Variants in HS6ST3 observed in about 807,000 individuals in gnomAD.
HS6ST3 encodes heparan-sulfate 6-O-sulfotransferase 3.
In HS6ST3, 12 loss-of-function variants were observed where a neutral mutation model predicts 36.7. That is an observed-to-expected ratio of 0.33 (90% CI 0.21 to 0.53). HS6ST3 has a LOEUF of 0.53. HS6ST3 is among the 20% of genes least tolerant of loss of function. The pLI is 0.95. For synonymous variants in HS6ST3, 240 were observed against 257.5 expected (o/e 0.93, Z 0.65); for missense variants, 584 against 640.9 (o/e 0.91, Z 0.96).
chr13:96,204,981 C>T (rs1412591967), intron 1 of HS6ST3, among the ~76,000 whole-genome samples: 2 of 151,830 alleles, frequency 1.3e-5, no homozygotes, highest in Non-Finnish European at 2.9e-5. Flanking sequence ...AAGATATAAC[C>T]AAAATCAGAG....
At chr13:96,778,916 A>T (rs1051714542) in intron 1 of HS6ST3, among the ~76,000 whole-genome samples, 3 of 152,280 alleles carry the variant, frequency 2.0e-5, no homozygotes, top group South Asian at 4.2e-4. Context: ...CTTGAAACCA[A>T]CCCAAATGCC....
At chr13:96,262,435 T>C (rs996961532) in intron 1 of HS6ST3, among the ~76,000 whole-genome samples, 2 of 152,200 alleles carry the variant, frequency 1.3e-5, no homozygotes, top group Non-Finnish European at 2.9e-5. Flanking sequence ...GAGGATAGCA[T>C]GTGTCTTTTT....
rs575170222 is a variant in HS6ST3, at chr13:96,823,780, A to G, written c.708-8710A>G. Among the ~76,000 whole-genome samples, 17 of 152,030 alleles carry G rather than the reference A, an allele frequency of 1.1e-4. No homozygotes were observed. In the South Asian group the frequency reaches 3.5e-3, roughly 32 times the overall value. ...GATTACAGTCGCATGCCACCATGCC[A>G]GGCTACTTTTTGTATTTTTAGTAGA... is the stretch of plus-strand genomic sequence containing the variant. On this transcript the variant is annotated intron_variant, in intron 1 of 1. Transcript: ENST00000376705.
At position 96,091,193 on chromosome 13, in the gene HS6ST3, G is replaced by A. The variant is rs1244714799; in HGVS notation, c.331G>A (p.Asp111Asn). 2 of 1,555,378 alleles carry A rather than the reference G, an allele frequency of 1.3e-6. No individual in the cohort carries two copies. Among genetic ancestry groups the A allele is most frequent in the Admixed American group, 1.9e-5 (1 of 51,502 alleles). The change falls in exon 1 of 2, where the codon GAC (aspartate) becomes AAC (asparagine). Residue 111 changes from aspartate to asparagine, a missense_variant. Transcript: ENST00000376705. ...GGAAGAGGAGGAGGAAGACGAGCCG[G>A]ACCCCGAGGCCCCGGAAAACGGCTC... is the stretch of plus-strand genomic sequence containing the variant. ...GEEEEEEDEP[D>N]PEAPENGSLP...
chr13:96,510,687 C>T (rs895804077), intron 1 of HS6ST3, among the ~76,000 whole-genome samples: 2 of 152,018 alleles, frequency 1.3e-5, no homozygotes, highest in African/African-American at 4.8e-5. Flanking sequence ...GTTCATGTGA[C>T]GCAATCCCTC....
At chr13:96,362,369 T>C (rs1301062439) in intron 1 of HS6ST3, among the ~76,000 whole-genome samples, 2 of 152,232 alleles carry the variant, frequency 1.3e-5, no homozygotes, top group Non-Finnish European at 2.9e-5. Context: ...GTTGTATTCA[T>C]TGGGTTATTT....
intron 1 of HS6ST3, among the ~76,000 whole-genome samples, chr13:96,522,839 T>C (rs2056099159): frequency 1.3e-5 from 2 of 152,244 alleles, no homozygotes; most frequent in South Asian, 4.1e-4. Context: ...TGTCTTTTAA[T>C]TGGGACATTT....
chr13:96,379,494 C>T (rs1318624067), intron 1 of HS6ST3, among the ~76,000 whole-genome samples: 1 of 152,212 alleles, frequency 6.6e-6, no homozygotes, highest in East Asian at 1.9e-4. Flanking sequence ...TTTTCAATTT[C>T]CAGAGCTGTG....
intron 1 of HS6ST3, among the ~76,000 whole-genome samples, chr13:96,809,476 C>T (rs762074011): frequency 2.9e-4 from 44 of 152,264 alleles, no homozygotes; most frequent in South Asian, 4.1e-4. Context: ...AATGGCCAGG[C>T]GACATATTAA....
At chr13:96,707,328 G>A (rs575107547) in intron 1 of HS6ST3, among the ~76,000 whole-genome samples, 265 of 152,252 alleles carry the variant, frequency 1.7e-3, no homozygotes, top group Non-Finnish European at 2.4e-3. Context: ...CCAAGAACCC[G>A]ACCATGCTGG....
intron 1 of HS6ST3, among the ~76,000 whole-genome samples, chr13:96,191,012 G>T (rs1001025875): frequency 9.2e-5 from 14 of 152,138 alleles, no homozygotes; most frequent in African/African-American, 3.1e-4. Context: ...ATGAGAAGCT[G>T]TTCGTGTGGC....
chr13:96,442,381 G>GA (rs931496056), intron 1 of HS6ST3, among the ~76,000 whole-genome samples: 3 of 150,558 alleles, frequency 2.0e-5, no homozygotes, highest in Admixed American at 6.6e-5. Flanking sequence ...TTAACTAAGA[G>GA]AAAAAAAAAG....
chr13:96,596,479 G>T (rs2056401827), intron 1 of HS6ST3, among the ~76,000 whole-genome samples: 3 of 152,106 alleles, frequency 2.0e-5, no homozygotes, highest in African/African-American at 7.2e-5. Context: ...TAGATACCCA[G>T]TAGTGGGATT....
chr13:96,114,272 C>T (rs1023708226), intron 1 of HS6ST3, among the ~76,000 whole-genome samples: 7 of 152,214 alleles, frequency 4.6e-5, no homozygotes, highest in Middle Eastern at 3.4e-3. Flanking sequence ...CTGCCTCAGT[C>T]ACCTGAGTAG....
intron 1 of HS6ST3, among the ~76,000 whole-genome samples, chr13:96,390,869 T>G (rs2055391953): frequency 6.6e-6 from 1 of 152,224 alleles, no homozygotes; most frequent in Non-Finnish European, 1.5e-5. Context: ...CAGGTTTCTT[T>G]ACATCACCAA....
At chr13:96,358,386 A>G (rs1358992362) in intron 1 of HS6ST3, among the ~76,000 whole-genome samples, 3 of 152,192 alleles carry the variant, frequency 2.0e-5, no homozygotes. Context: ...CTTGTAGTCT[A>G]TGACTCCAGA....
Position 96,573,877 on chromosome 13 carries a change from T to C in HS6ST3, c.708-258613T>C, listed in dbSNP as rs182077217. 61 of 478,016 alleles carry C rather than the reference T, an allele frequency of 1.3e-4. No individual in the cohort carries two copies. In the East Asian group the frequency reaches 3.0e-3, roughly 24 times the overall value. The allele number at this position is 478,016 out of a possible 1,614,324, so 29.6% of individuals were successfully genotyped here. A position where few individuals can be genotyped will look rare whatever the true frequency, so the allele number is the denominator to read the frequency against. On this transcript the variant is annotated intron_variant, in intron 1 of 1. Coordinates refer to ENST00000376705, the MANE Select transcript of HS6ST3 (RefSeq NM_153456.4). ...CGAATGAATCCAGCATCAGGAGCAC[T>C]GAGCCCTCTCCCCCAGTCTAATGGA...
intron 1 of HS6ST3, among the ~76,000 whole-genome samples, chr13:96,268,529 G>A (rs765422353): frequency 6.6e-6 from 1 of 151,938 alleles, no homozygotes; most frequent in Non-Finnish European, 1.5e-5. Flanking sequence ...TACAGTTCAA[G>A]ATGAGATTTG....
chr13:96,091,404 A>C lies in HS6ST3; in HGVS notation c.542A>C (p.Gln181Pro), dbSNP rs2053763540. ...LEQPCSCKAG[Q>P]KKCTCHRPGK... is the part of the protein sequence containing the mutation. ...CAGCCTTGTAGCTGCAAAGCGGGTC[A>C]GAAGAAGTGCACCTGCCACCGGCCT... Residue 181 changes from glutamine to proline, a missense_variant, in exon 1 of 2, where the codon CAG becomes CCG. Physicochemically the swap from Gln to Pro is moderately conservative, Grantham distance 76. Coordinates refer to ENST00000376705, the MANE Select transcript of HS6ST3 (RefSeq NM_153456.4). The C allele has an allele frequency of 6.2e-7, 1 of 1,613,600 alleles. No homozygotes were observed. The highest frequency in any genetic ancestry group is 8.5e-7 in the Non-Finnish European group (1 of 1,179,852).
Sources: gnomAD v4.1 joint callset for allele counts (sites outside exome capture counted in the v4.1 genomes callset) on GRCh38, gnomAD v4.1.1 for gene constraint, MANE v1.5 for transcripts, NCBI Gene and HGNC (gene_info 2026-07-23, HGNC 2026-07-21) for gene names.